The following CYP2C19 variants were observed in gnomAD, a reference collection of about 807,000 sequenced individuals.
CYP2C19 encodes cytochrome P450 2C19.
CYP2C19 carries 59 observed loss-of-function variants against 40.9 expected under a neutral mutation model. The observed-to-expected ratio is 1.44, with a 90% CI of 1.17 to 1.79. The LOEUF is 1.79. Ranked by LOEUF, CYP2C19 falls within the 40% of genes most tolerant of loss-of-function variation. The probability of loss-of-function intolerance (pLI) is 0.00; values close to 1 mark genes in which losing one functional copy is unlikely to be tolerated. For synonymous variants in CYP2C19, 253 were observed against 208.7 expected, an observed-to-expected ratio of 1.21 and a Z score of -1.83; for missense variants, 754 against 596.9, an observed-to-expected ratio of 1.26 and a Z score of -2.74.
chr10:94,800,224 C>T (rs576884688), intron 5 of CYP2C19, among the ~76,000 whole-genome samples: 1 of 152,194 alleles, frequency 6.6e-6, no homozygotes, highest in Non-Finnish European at 1.5e-5. Context: ...GATGCTATTC[C>T]TTTCTGTTTG....
intron 5 of CYP2C19, among the ~76,000 whole-genome samples, chr10:94,791,267 T>C (rs951570793): frequency 6.6e-6 from 1 of 152,142 alleles, no homozygotes; most frequent in Admixed American, 6.5e-5. Context: ...TTTTCTCCTT[T>C]ATTATTTTTG....
intron 7 of CYP2C19, among the ~76,000 whole-genome samples, chr10:94,848,505 G>T (rs1248007019): frequency 6.6e-6 from 1 of 152,186 alleles, no homozygotes; most frequent in Non-Finnish European, 1.5e-5. Context: ...TTGAAGTCAG[G>T]TAGTGTGATG....
intron 6 of CYP2C19, among the ~76,000 whole-genome samples, chr10:94,836,395 T>G (rs181597776): frequency 0.014 from 1,859 of 137,266 alleles, 16 homozygotes; most frequent in Non-Finnish European, 0.023. Context: ...GCTATTCCTG[T>G]TTTTTTTCTG....
intron 5 of CYP2C19, 49 bp downstream of exon 5, chr10:94,782,046 A>T: frequency 6.9e-7 from 1 of 1,444,900 alleles, no homozygotes; most frequent in South Asian, 1.4e-5. Context: ...CGTATTTGTG[A>T]TTCATTGACT....
In CYP2C19 at chr10:94,769,995, A is replaced by G. The variant is rs925639994; in HGVS notation, c.169-5063A>G. Among the ~76,000 whole-genome samples, 3 of 152,134 alleles carry G rather than the reference A, an allele frequency of 2.0e-5. No homozygotes were observed. In the East Asian group the frequency reaches 5.8e-4, roughly 29 times the overall value. ...CAAAGTCTCCCAATTACAACTGAGG[A>G]GGTGGGAGAAATACCTGGTTACAGG... On this transcript the variant is annotated intron_variant, in intron 1 of 8. Transcript: ENST00000371321.
chr10:94,853,008 G>T lies in CYP2C19; in HGVS notation c.*94G>T. Reference sequence around the variant, plus strand: ...CTATCTGTGATGCTTCTTCTGACCCGTCATCTCACATTTTCCCTTCCCCCA... The same window carrying T: ...CTATCTGTGATGCTTCTTCTGACCCTTCATCTCACATTTTCCCTTCCCCCA... On this transcript the variant is annotated 3_prime_UTR_variant, in exon 9 of 9. Coordinates refer to ENST00000371321, the MANE Select transcript of CYP2C19 (RefSeq NM_000769.4). 6 of 1,344,494 alleles carry T rather than the reference G, an allele frequency of 4.5e-6. No homozygotes were observed. Among genetic ancestry groups the T allele is most frequent in the South Asian group, 2.6e-5 (2 of 76,076 alleles). 83.3% of individuals were successfully genotyped at this position (1,344,494 alleles called of 1,614,324 possible). A position where few individuals can be genotyped will look rare whatever the true frequency, so the allele number is the denominator to read the frequency against.
At chr10:94,796,337 G>T (rs1197459766) in intron 5 of CYP2C19, among the ~76,000 whole-genome samples, 1 of 152,096 alleles carries the variant, frequency 6.6e-6, no homozygotes, top group African/African-American at 2.4e-5. Flanking sequence ...TGAGGGCTCT[G>T]TTCTGTTCCA....
At chr10:94,833,962 T>C (rs1849365519) in intron 6 of CYP2C19, among the ~76,000 whole-genome samples, 1 of 152,194 alleles carries the variant, frequency 6.6e-6, no homozygotes, top group Admixed American at 6.5e-5. Flanking sequence ...TGTAGTTTTC[T>C]TTTTTTGATG....
At chr10:94,798,788 A>G (rs1848723510) in intron 5 of CYP2C19, among the ~76,000 whole-genome samples, 1 of 126,984 alleles carries the variant, frequency 7.9e-6, no homozygotes, top group African/African-American at 2.9e-5. Context: ...AGTCTGTTTT[A>G]TCAAAGGGTA....
At chr10:94,771,706 G>A (rs991610358) in intron 1 of CYP2C19, among the ~76,000 whole-genome samples, 1 of 152,046 alleles carries the variant, frequency 6.6e-6, no homozygotes, top group Non-Finnish European at 1.5e-5. Flanking sequence ...GTTTCTACCT[G>A]CCCAGGAACC....
rs548420877 is a variant in CYP2C19, at chr10:94,830,124, C to T, written c.961+9487C>T. Among the ~76,000 whole-genome samples, 5 of 152,312 alleles carry T rather than the reference C, an allele frequency of 3.3e-5. No individual in the cohort carries two copies. In the East Asian group the frequency reaches 5.8e-4, roughly 18 times the overall value. On this transcript the variant is annotated intron_variant, in intron 6 of 8. Coordinates refer to ENST00000371321, the MANE Select transcript of CYP2C19 (RefSeq NM_000769.4). ...TGTCTTTTTGTTTGTCTGTGCCCTG[C>T]CCCCAGAGGTGGAGCCTACAGAGGC...
At chr10:94,820,432 A>T in intron 5 of CYP2C19, 64 bp from the exon 6 acceptor site, 10 of 1,579,124 alleles carry the variant, frequency 6.3e-6, no homozygotes, top group Non-Finnish European at 8.7e-6. Flanking sequence ...AGTAATTTTG[A>T]ATTTACTGTC....
At chr10:94,785,727 G>C (rs1165179583) in intron 5 of CYP2C19, among the ~76,000 whole-genome samples, 1 of 151,962 alleles carries the variant, frequency 6.6e-6, no homozygotes. Flanking sequence ...GCGTAAAATC[G>C]AGCTGCAGTC....
chr10:94,808,048 A>T (rs1213001145), intron 5 of CYP2C19, among the ~76,000 whole-genome samples: 1 of 152,090 alleles, frequency 6.6e-6, no homozygotes, highest in Non-Finnish European at 1.5e-5. Flanking sequence ...TTTTGTAAAT[A>T]ATGAGAGATA....
At chr10:94,776,352 T>C (rs1259973192) in intron 3 of CYP2C19, 1 of 152,164 alleles carries the variant, frequency 6.6e-6, no homozygotes, top group African/African-American at 2.4e-5. Flanking sequence ...ATTTATGAAA[T>C]TTTGGCTTAG....
chr10:94,772,790 TTTGAGACGGAGTCTCGCTCTG>T (rs1848352781), intron 1 of CYP2C19, among the ~76,000 whole-genome samples: 1 of 152,146 alleles, frequency 6.6e-6, no homozygotes, highest in South Asian at 2.1e-4. Flanking sequence ...CACTTTTTGT[TTTGAGACGGAGTCTCGCTCTG>T]TCGCCCAGGC....
chr10:94,849,005 C>G (rs1030708640), intron 7 of CYP2C19, among the ~76,000 whole-genome samples: 18 of 152,150 alleles, frequency 1.2e-4, no homozygotes, highest in Non-Finnish European at 1.9e-4. Flanking sequence ...TCTAGATGTA[C>G]AATCATGTCA....
chr10:94,845,656 A>G (rs778842023), intron 7 of CYP2C19, among the ~76,000 whole-genome samples: 37 of 152,180 alleles, frequency 2.4e-4, no homozygotes, highest in Non-Finnish European at 4.3e-4. Flanking sequence ...TGTAGTATGG[A>G]GTAATAATGG....
chr10:94,765,362 G>A lies in CYP2C19; in HGVS notation c.168+2489G>A, dbSNP rs115749575. On this transcript the variant is annotated intron_variant, in intron 1 of 8. Coordinates refer to ENST00000371321, the MANE Select transcript of CYP2C19 (RefSeq NM_000769.4). ...AGGTGCCAGTCCAGTTAGTGGGAAG[G>A]CAGATATAGGTCGACATTCCACATA... Among the ~76,000 whole-genome samples the A allele has an allele frequency of 3.1e-3, 473 of 152,124 alleles. 3 individuals are homozygous for A. Among genetic ancestry groups the A allele is most frequent in the African/African-American group, 0.011 (446 of 41,510 alleles).
Sources: gnomAD v4.1 joint callset for allele counts (sites outside exome capture counted in the v4.1 genomes callset) on GRCh38, gnomAD v4.1.1 for gene constraint, MANE v1.5 for transcripts, NCBI Gene and HGNC (gene_info 2026-07-23, HGNC 2026-07-21) for gene names.